The following NR5A2 variants were observed in gnomAD, a reference collection of about 807,000 sequenced individuals.
NR5A2 encodes the protein CYP7A promoter-binding factor.
Under a neutral mutation model 62.7 loss-of-function variants are expected in NR5A2, and 26 were observed. That is an observed-to-expected ratio of 0.41 (90% CI 0.30 to 0.58). The LOEUF is 0.58. NR5A2 is among the 20% of genes least tolerant of loss of function. NR5A2 has a pLI of 0.22. For synonymous variants in NR5A2, 246 were observed against 241.7 expected, an observed-to-expected ratio of 1.02 and a Z score of -0.16; for missense variants, 541 against 669.1, an observed-to-expected ratio of 0.81 and a Z score of 2.11.
In NR5A2 at chr1:200,147,707, C is replaced by T; in HGVS notation, c.1379-26256C>T. 1.5e-6 allele frequency: 1 copy of T among 657,646 alleles called. No homozygotes were observed. The highest frequency in any genetic ancestry group is 2.9e-6 in the Non-Finnish European group (1 of 347,308). The allele number at this position is 657,646 out of a possible 1,614,324, so 40.7% of individuals were successfully genotyped here. A position where few individuals can be genotyped will look rare whatever the true frequency, so the allele number is the denominator to read the frequency against. On this transcript the variant is annotated intron_variant, in intron 7 of 7. Transcript: ENST00000367362. The surrounding 1 kb of genome is among the most constrained non-coding windows in gnomAD (Gnocchi z 4.9). ...GACTTGGGCTCCGAGGCGATCTCCT[C>T]CAGCTCCTCCCTGAGCGCCTCTCCC... is the stretch of plus-strand genomic sequence containing the variant.
chr1:200,169,622 G>A (rs1262565965), intron 7 of NR5A2, among the ~76,000 whole-genome samples: 2 of 152,178 alleles, frequency 1.3e-5, no homozygotes, highest in Non-Finnish European at 2.9e-5. Context: ...TGAGCTTATC[G>A]TAATGCTGCT....
chr1:200,033,941 AT>A (rs1661641790), intron 1 of NR5A2, among the ~76,000 whole-genome samples: 2 of 152,194 alleles, frequency 1.3e-5, no homozygotes, highest in East Asian at 1.9e-4. Context: ...GACCTTAAGA[AT>A]CAGAAGCTCA....
chr1:200,057,681 G>T, intron 5 of NR5A2: 1 of 324,744 alleles, frequency 3.1e-6, no homozygotes, highest in Non-Finnish European at 6.2e-6. Context: ...ATTTTGCCAT[G>T]TTGGCCAGGC....
chr1:200,119,169 A>T (rs1043319735), intron 6 of NR5A2, among the ~76,000 whole-genome samples: 10 of 152,138 alleles, frequency 6.6e-5, no homozygotes, highest in Non-Finnish European at 1.2e-4. Context: ...AGTATTCTCT[A>T]GTTAAAGCTG....
At chr1:200,095,562 T>C (rs565635317) in intron 5 of NR5A2, among the ~76,000 whole-genome samples, 1 of 151,076 alleles carries the variant, frequency 6.6e-6, no homozygotes, top group African/African-American at 2.4e-5. Flanking sequence ...AGTAATATAT[T>C]TTTTTTTTGA....
chr1:200,097,363 C>A (rs1489847613), intron 5 of NR5A2, among the ~76,000 whole-genome samples: 1 of 152,154 alleles, frequency 6.6e-6, no homozygotes, highest in Non-Finnish European at 1.5e-5. Flanking sequence ...TCCCTTCTTA[C>A]AAGGGAGACA....
chr1:200,049,063 C>A (rs1256257938), intron 5 of NR5A2, among the ~76,000 whole-genome samples: 2 of 151,966 alleles, frequency 1.3e-5, no homozygotes, highest in African/African-American at 4.8e-5. Flanking sequence ...ATAGGAAACT[C>A]GGGCTTTTTT....
chr1:200,031,531 AC>A (rs1311533152), intron 1 of NR5A2, among the ~76,000 whole-genome samples: 1 of 151,246 alleles, frequency 6.6e-6, no homozygotes, highest in Non-Finnish European at 1.5e-5. Flanking sequence ...ACAAAACAAA[AC>A]AAAACAAAAC....
intron 6 of NR5A2, among the ~76,000 whole-genome samples, chr1:200,114,911 C>T (rs925415038): frequency 1.3e-5 from 2 of 152,218 alleles, no homozygotes; most frequent in African/African-American, 4.8e-5. Context: ...ACAGATGCTG[C>T]AGAGCTTGCC....
intron 5 of NR5A2, among the ~76,000 whole-genome samples, chr1:200,090,473 G>A (rs1201123556): frequency 1.3e-5 from 2 of 152,146 alleles, no homozygotes; most frequent in Non-Finnish European, 2.9e-5. Flanking sequence ...GACAAGTGGA[G>A]GGTGAAAAGG....
Position 200,048,579 on chromosome 1 carries a change from G to A in NR5A2, c.871G>A (p.Asp291Asn), listed in dbSNP as rs2102166186. Residue 291 changes from aspartate to asparagine, a missense_variant, in exon 5 of 8, where the codon GAT (aspartate) becomes AAT (asparagine). By Grantham distance (23) the Asp-to-Asn change is conservative. Around this residue, in one of 3 missense-constraint regions of NR5A2, gnomAD observed 379 missense variants for 442.0 expected, o/e 0.86. Coordinates refer to ENST00000367362, the MANE Select transcript of NR5A2 (RefSeq NM_205860.3). The surrounding 1 kb of genome is among the most constrained non-coding windows in gnomAD (Gnocchi z 4.8). ...GTCCATAATGGGCTATTCATATATGGATAGTTACCAGACGAGCTCTCCAGC... is the reference window on the plus strand; with the variant it reads ...GTCCATAATGGGCTATTCATATATGAATAGTTACCAGACGAGCTCTCCAGC... The part of the protein sequence containing the change: ...PESIMGYSYM[D>N]SYQTSSPASI... 6.2e-7 allele frequency: 1 copy of A among 1,614,170 alleles called. No individual in the cohort carries two copies. Among genetic ancestry groups the A allele is most frequent in the South Asian group, 1.1e-5 (1 of 91,084 alleles).
At chr1:200,086,241 C>T (rs1159318788) in intron 5 of NR5A2, among the ~76,000 whole-genome samples, 1 of 152,070 alleles carries the variant, frequency 6.6e-6, no homozygotes, top group East Asian at 1.9e-4. Context: ...TTATTTATGC[C>T]AAACAATTAA....
intron 1 of NR5A2, among the ~76,000 whole-genome samples, chr1:200,037,656 A>C (rs1408188278): frequency 1.3e-5 from 2 of 152,228 alleles, no homozygotes; most frequent in African/African-American, 2.4e-5. Context: ...TATCACAAAA[A>C]TTGGAGCTTT....
intron 5 of NR5A2, among the ~76,000 whole-genome samples, chr1:200,049,550 T>C (rs1193342702): frequency 6.6e-6 from 1 of 152,214 alleles, no homozygotes; most frequent in Non-Finnish European, 1.5e-5. Flanking sequence ...TTTTATTTCC[T>C]GAAACTTAAG....
At chr1:200,154,604 A>G (rs376243082) in intron 7 of NR5A2, among the ~76,000 whole-genome samples, 186 of 152,370 alleles carry the variant, frequency 1.2e-3, no homozygotes, top group African/African-American at 4.2e-3. Context: ...CTGTAGCCCC[A>G]GCTACTGCAG....
chr1:200,088,098 G>A (rs1664638771), intron 5 of NR5A2, among the ~76,000 whole-genome samples: 1 of 151,952 alleles, frequency 6.6e-6, no homozygotes, highest in South Asian at 2.1e-4. Flanking sequence ...TAGAGATGGA[G>A]TCTCACGTGT....
rs781233871 is a variant in NR5A2 at position 200,048,489 on chromosome 1, T to G, written c.781T>G (p.Tyr261Asp). The G allele has an allele frequency of 1.9e-6, 3 of 1,614,176 alleles. No individual in the cohort carries two copies. The highest frequency in any genetic ancestry group is 3.3e-5 in the Admixed American group (2 of 60,028). Residue 261 changes from tyrosine to aspartate, a missense_variant, in exon 5 of 8, where the codon TAT becomes GAT. Coordinates refer to ENST00000367362, the MANE Select transcript of NR5A2 (RefSeq NM_205860.3). This position sits in a 1 kb window ranked among gnomAD's most constrained non-coding sequence, Gnocchi z 4.8. ...PHGSLQGYQT[Y>D]GHFPSRAIKS... ...CGGCAGCCTGCAAGGTTACCAAACA[T>G]ATGGCCACTTTCCTAGCCGGGCCAT...
chr1:200,143,034 A>ATGCT (rs1667515403), intron 7 of NR5A2, among the ~76,000 whole-genome samples: 1 of 151,080 alleles, frequency 6.6e-6, no homozygotes, highest in Non-Finnish European at 1.5e-5. Flanking sequence ...GTATGTAAAA[A>ATGCT]GTGTGTGTGT....
intron 5 of NR5A2, chr1:200,058,402 G>A (rs1663024429): frequency 6.6e-6 from 1 of 152,098 alleles, no homozygotes; most frequent in African/African-American, 2.4e-5. Context: ...GGTCTTAAAG[G>A]ACTTGTATTA....
Sources: allele counts gnomAD v4.1 joint callset (sites outside exome capture counted in the v4.1 genomes callset), GRCh38; gene constraint gnomAD v4.1.1; regional missense constraint gnomAD v4.1.1; non-coding constraint Gnocchi (gnomAD v3.1); transcripts MANE v1.5; gene names NCBI Gene and HGNC (gene_info 2026-07-23, HGNC 2026-07-21).